Variants in IGSF11 observed in about 807,000 individuals in gnomAD.
IGSF11 encodes the protein CXADR like 1.
Under a neutral mutation model 41.0 loss-of-function variants are expected in IGSF11, and 22 were observed. The observed-to-expected ratio is 0.54, with a 90% CI of 0.38 to 0.77. IGSF11 has a LOEUF of 0.77. Among genes scored for constraint, IGSF11 ranks in the 30% least tolerant of loss-of-function variants. IGSF11 has a pLI of 0.00. For missense variants in IGSF11, 444 were observed against 530.8 expected, an observed-to-expected ratio of 0.84 and a Z score of 1.61; for synonymous variants, 219 against 201.3, an observed-to-expected ratio of 1.09 and a Z score of -0.74.
intron 1 of IGSF11, among the ~76,000 whole-genome samples, chr3:118,936,878 C>T (rs1943319583): frequency 6.6e-6 from 1 of 152,202 alleles, no homozygotes; most frequent in Non-Finnish European, 1.5e-5. Flanking sequence ...CCACACTACA[C>T]AGCCAAGAGA....
At chr3:119,136,810 A>C (rs6807110) in intron 1 of IGSF11, among the ~76,000 whole-genome samples, 12,127 of 152,158 alleles carry the variant, frequency 0.08, 642 homozygotes, top group Admixed American at 0.16. Context: ...ATCCAGATAT[A>C]ATCTTGTATT....
chr3:119,135,892 A>G (rs1017209697), intron 1 of IGSF11, among the ~76,000 whole-genome samples: 2 of 152,184 alleles, frequency 1.3e-5, no homozygotes, highest in South Asian at 4.1e-4. Flanking sequence ...CATAAAGAAG[A>G]ATGAGTTCAT....
intron 1 of IGSF11, among the ~76,000 whole-genome samples, chr3:119,004,861 C>T (rs925011131): frequency 6.6e-6 from 1 of 152,128 alleles, no homozygotes; most frequent in Admixed American, 6.5e-5. Context: ...GTCACATTTG[C>T]TGAGGAGAGT....
chr3:118,938,850 T>C (rs1212517740), intron 1 of IGSF11, among the ~76,000 whole-genome samples: 1 of 152,142 alleles, frequency 6.6e-6, no homozygotes, highest in African/African-American at 2.4e-5. Context: ...AGAGGGATAT[T>C]ACATAATGAT....
chr3:118,987,941 T>C (rs557445184), intron 1 of IGSF11, among the ~76,000 whole-genome samples: 18 of 152,328 alleles, frequency 1.2e-4, no homozygotes, highest in African/African-American at 4.1e-4. Flanking sequence ...GCTTTATTAC[T>C]TTTACAACCT....
rs1938081312 is a variant in IGSF11 at position 119,011,256 on chromosome 3, T to TA, written c.52+23274dup. Among the ~76,000 whole-genome samples, 4 of 151,836 alleles carry TA rather than the reference T, an allele frequency of 2.6e-5. No homozygotes were observed. The South Asian group carries it at 8.3e-4, about 32-fold the overall frequency. On this transcript the variant is annotated intron_variant, in intron 1 of 6. Coordinates refer to ENST00000393775, the MANE Select transcript of IGSF11 (RefSeq NM_001015887.3). ...TGGTGCTGGGCAGCTAAGCTCCCAT[T>TA]AAAAAAATAAAACATCTAAATGGCC...
intron 1 of IGSF11, among the ~76,000 whole-genome samples, chr3:119,054,745 G>C (rs988621713): frequency 1.3e-5 from 2 of 152,170 alleles, no homozygotes; most frequent in African/African-American, 4.8e-5. Context: ...GTTTATAGCA[G>C]CACAATTTGC....
At chr3:119,087,682 T>C (rs1302315659) in intron 1 of IGSF11, among the ~76,000 whole-genome samples, 1 of 152,096 alleles carries the variant, frequency 6.6e-6, no homozygotes, top group Non-Finnish European at 1.5e-5. Flanking sequence ...GTACACTGCT[T>C]GGGTGATGGG....
At chr3:119,009,769 T>C (rs1382165087) in intron 1 of IGSF11, among the ~76,000 whole-genome samples, 1 of 152,230 alleles carries the variant, frequency 6.6e-6, no homozygotes, top group Non-Finnish European at 1.5e-5. Flanking sequence ...GGAAATTTCA[T>C]AGGCTTTTTG....
At chr3:119,093,759 C>T (rs2076802883) in intron 1 of IGSF11, among the ~76,000 whole-genome samples, 1 of 152,162 alleles carries the variant, frequency 6.6e-6, no homozygotes, top group African/African-American at 2.4e-5. Context: ...TGCCTTTGAG[C>T]TTTCTCAGTG....
chr3:118,964,071 T>C (rs1945512998), intron 1 of IGSF11, among the ~76,000 whole-genome samples: 1 of 152,142 alleles, frequency 6.6e-6, no homozygotes, highest in Non-Finnish European at 1.5e-5. Context: ...TCATTACATC[T>C]ACCCATCCCC....
In IGSF11 at chr3:118,928,441, A is replaced by G. The variant is rs372878343; in HGVS notation, c.424+68T>C. ...ACTGAAGGTGTAGAAACAAGGGCAG[A>G]AGCAAGTATGCTTGAGAGTAGCTTC... On this transcript the variant is annotated intron_variant, in intron 3 of 6. Transcript: ENST00000393775. 148 of 1,252,214 alleles carry G rather than the reference A, an allele frequency of 1.2e-4. 1 individual carries two copies. In the African/African-American group the frequency reaches 1.7e-3, roughly 14 times the overall value. 77.6% of individuals were successfully genotyped at this position (1,252,214 alleles called of 1,614,324 possible).
At chr3:119,011,356 A>G (rs1235677790) in intron 1 of IGSF11, among the ~76,000 whole-genome samples, 1 of 152,230 alleles carries the variant, frequency 6.6e-6, no homozygotes, top group Non-Finnish European at 1.5e-5. Flanking sequence ...AGAGAGACCA[A>G]GAGAAGGAGA....
intron 1 of IGSF11, among the ~76,000 whole-genome samples, chr3:118,942,094 G>A (rs1451530490): frequency 6.6e-6 from 1 of 152,088 alleles, no homozygotes; most frequent in Non-Finnish European, 1.5e-5. Context: ...TCAAAACATA[G>A]CAAACTATAT....
At chr3:119,128,885 T>C (rs2107536766) in intron 1 of IGSF11, among the ~76,000 whole-genome samples, 1 of 152,300 alleles carries the variant, frequency 6.6e-6, no homozygotes, top group South Asian at 2.1e-4. Context: ...TGCACCACTA[T>C]TTACAATAGC....
Position 118,928,479 on chromosome 3 carries a change from C to T in IGSF11, c.424+30G>A, listed in dbSNP as rs368882598. ...TGAGAGTAGCTTCGTGAGTAAAGCCCGAACAGCCAAGGACTCTTGTGTCAC... is the reference window on the plus strand; with the variant it reads ...TGAGAGTAGCTTCGTGAGTAAAGCCTGAACAGCCAAGGACTCTTGTGTCAC... On this transcript the variant is annotated intron_variant, in intron 3 of 6. Transcript: ENST00000393775. 2.3e-5 allele frequency: 37 copies of T among 1,584,334 alleles called. 1 individual carries two copies. The highest frequency in any genetic ancestry group is 8.1e-5 in the African/African-American group (6 of 74,330).
chr3:119,092,005 G>GCA (rs1559862384), intron 1 of IGSF11, among the ~76,000 whole-genome samples: 3 of 116,408 alleles, frequency 2.6e-5, no homozygotes, highest in Non-Finnish European at 5.7e-5. Context: ...GGGGGGGGGG[G>GCA]TTGGTGGTTT....
intron 1 of IGSF11, among the ~76,000 whole-genome samples, chr3:118,941,311 A>G (rs1338620779): frequency 6.6e-6 from 1 of 152,192 alleles, no homozygotes; most frequent in Admixed American, 6.5e-5. Flanking sequence ...TTAAATGCAC[A>G]AAAGATTTGA....
Position 119,074,489 on chromosome 3 carries a change from G to A in IGSF11, c.49+30655C>T, listed in dbSNP as rs1332356446. Reference sequence around the variant, plus strand: ...ATGACAGTACAGATACAACATAGTGGAATCTCTGGGACACAGTTAAAGCAG... The same window carrying A: ...ATGACAGTACAGATACAACATAGTGAAATCTCTGGGACACAGTTAAAGCAG... On this transcript the variant is annotated intron_variant, in intron 1 of 6. Coordinates refer to the IGSF11 transcript ENST00000354673. Among the ~76,000 whole-genome samples, 4 of 151,748 alleles carry A rather than the reference G, an allele frequency of 2.6e-5. No homozygotes were observed. The South Asian group carries it at 8.3e-4, about 32-fold the overall frequency.
Sources: gnomAD v4.1 joint callset for allele counts (sites outside exome capture counted in the v4.1 genomes callset) on GRCh38, gnomAD v4.1.1 for gene constraint, MANE v1.5 for transcripts, NCBI Gene and HGNC (gene_info 2026-07-23, HGNC 2026-07-21) for gene names.